NTS: variants seen among roughly 807,000 people sequenced by gnomAD.
NTS encodes neurotensin, also known as neurotensin/neuromedin N.
NTS carries 20 observed loss-of-function variants against 19.5 expected under a neutral mutation model. That is an observed-to-expected ratio of 1.02 (90% confidence interval 0.72 to 1.49). NTS has a LOEUF of 1.49. NTS is among the 40% of genes most tolerant of loss of function. The pLI is 0.00. For missense variants in NTS, 215 were observed against 193.1 expected (o/e 1.11, Z -0.67); for synonymous variants, 71 against 63.3 (o/e 1.12, Z -0.58).
At chr12:85,874,891 G>T (rs1254077385) in intron 1 of NTS, among the ~76,000 whole-genome samples, 3 of 152,206 alleles carry the variant, frequency 2.0e-5, no homozygotes, top group Admixed American at 2.0e-4. Flanking sequence ...GGAAGCGGTG[G>T]CCCTCACGCC....
At chr12:85,876,766 T>A (rs1565769781) in intron 2 of NTS, 65 bp downstream of exon 2, 1 of 831,410 alleles carries the variant, frequency 1.2e-6, no homozygotes, top group Non-Finnish European at 1.9e-6. Flanking sequence ...AAACATGGTA[T>A]CCTTTTCCCA....
chr12:85,882,391 A>G lies in NTS; in HGVS notation c.*16A>G. The G allele has an allele frequency of 6.6e-7, 1 of 1,505,600 alleles. No homozygotes were observed. Among genetic ancestry groups the G allele is most frequent in the South Asian group, 1.3e-5 (1 of 78,576 alleles). 93.3% of individuals were successfully genotyped at this position (1,505,600 alleles called of 1,614,324 possible). A position where few individuals can be genotyped will look rare whatever the true frequency, so the allele number is the denominator to read the frequency against. On this transcript the variant is annotated 3_prime_UTR_variant, in exon 4 of 4. Coordinates refer to ENST00000256010, the MANE Select transcript of NTS (RefSeq NM_006183.5). The stretch of plus-strand genomic sequence containing the variant: ...CTATTACTGAGAGAATAAATCATTT[A>G]TTTACATGTGATTGTGATTCATCAT...
chr12:85,880,681 G>A (rs941016283), intron 3 of NTS, among the ~76,000 whole-genome samples: 3 of 152,100 alleles, frequency 2.0e-5, no homozygotes, highest in African/African-American at 7.2e-5. Context: ...GGCCAGGCAC[G>A]GTGGCTCACG....
At chr12:85,879,011 A>G (rs1881410993) in intron 3 of NTS, among the ~76,000 whole-genome samples, 1 of 151,016 alleles carries the variant, frequency 6.6e-6, no homozygotes. Flanking sequence ...TTGTATTTAA[A>G]TATATTAGGC....
intron 3 of NTS, among the ~76,000 whole-genome samples, chr12:85,879,778 A>AT (rs1238129954): frequency 8.6e-4 from 117 of 136,610 alleles, no homozygotes; most frequent in African/African-American, 2.9e-3. Flanking sequence ...TATAAAATAT[A>AT]TTTTTTGTAT....
In NTS at chr12:85,876,669, G is replaced by A; in HGVS notation, c.103G>A (p.Ala35Thr). Residue 35 changes from alanine (A) to threonine (T), a missense_variant, in exon 2 of 4, where the codon GCA (alanine) becomes ACA (threonine). Coordinates refer to ENST00000256010, the MANE Select transcript of NTS (RefSeq NM_006183.5). ...AGAAGAGGAAATGAAAGCATTAGAA[G>A]CAGATTTCTTGACCAATATGCATAC... ...DSEEEMKALEADFLTNMHTSK... is the reference protein window; with the variant it reads ...DSEEEMKALETDFLTNMHTSK... The A allele has an allele frequency of 6.3e-7, 1 of 1,594,720 alleles. No individual in the cohort carries two copies. Among genetic ancestry groups the A allele is most frequent in the Non-Finnish European group, 8.6e-7 (1 of 1,168,804 alleles).
At chr12:85,877,913 T>C (rs1012523147) in intron 2 of NTS, 1 of 152,636 alleles carries the variant, frequency 6.6e-6, no homozygotes, top group African/African-American at 2.4e-5. Flanking sequence ...ATGTGTGGAA[T>C]GCATTACTAG....
intron 1 of NTS, among the ~76,000 whole-genome samples, chr12:85,876,317 C>A (rs1042195210): frequency 2.0e-5 from 3 of 151,890 alleles, no homozygotes; most frequent in East Asian, 1.9e-4. Context: ...ATAAGCTACT[C>A]TAGCATATTT....
intron 3 of NTS, among the ~76,000 whole-genome samples, chr12:85,878,792 A>G (rs181742519): frequency 6.6e-6 from 1 of 152,188 alleles, no homozygotes; most frequent in East Asian, 1.9e-4. Context: ...AAAAGAGGAT[A>G]TATCTTAAGG....
chr12:85,876,623 A>T lies in NTS; in HGVS notation c.74-17A>T. On this transcript the variant is annotated splice_polypyrimidine_tract_variant and intron_variant, in intron 1 of 3. Coordinates refer to ENST00000256010, the MANE Select transcript of NTS (RefSeq NM_006183.5). The stretch of plus-strand genomic sequence containing the variant: ...ATGATATGTAATTATAGTAAACCTG[A>T]TTTTGATTTTACTCAGATTCAGAAG... The T allele has an allele frequency of 6.6e-7, 1 of 1,526,290 alleles. No homozygotes were observed. Among genetic ancestry groups the T allele is most frequent in the Admixed American group, 1.8e-5 (1 of 55,808 alleles). The allele number at this position is 1,526,290 out of a possible 1,614,324, so 94.5% of individuals were successfully genotyped here.
intron 1 of NTS, among the ~76,000 whole-genome samples, chr12:85,875,388 T>G (rs1881318137): frequency 6.6e-6 from 1 of 152,096 alleles, no homozygotes; most frequent in Admixed American, 6.5e-5. Context: ...TTTAACCTGT[T>G]CTGTGCTTTT....
chr12:85,882,086 T>C, intron 3 of NTS, 137 bp from the exon 4 acceptor site: 1 of 649,942 alleles, frequency 1.5e-6, no homozygotes, highest in Non-Finnish European at 2.6e-6. Flanking sequence ...AACAATTTCT[T>C]TGAACTTCAT....
chr12:85,876,851 GT>G (rs35124959), intron 2 of NTS, 150 bp downstream of exon 2: 98,612 of 420,860 alleles, frequency 0.23, 12,480 homozygotes, highest in African/African-American at 0.31. Context: ...ATTTCTTTTA[GT>G]TAAAAGAAGT....
At chr12:85,875,526 T>C (rs1881321848) in intron 1 of NTS, among the ~76,000 whole-genome samples, 1 of 152,054 alleles carries the variant, frequency 6.6e-6, no homozygotes, top group Non-Finnish European at 1.5e-5. Flanking sequence ...ATTTTAATCA[T>C]CAGAACATAA....
intron 2 of NTS, among the ~76,000 whole-genome samples, chr12:85,877,551 TTAGA>T (rs1382530972): frequency 6.6e-6 from 1 of 151,990 alleles, no homozygotes. Context: ...TGCAGGTTTG[TTAGA>T]TAGGCAAACA....
At chr12:85,876,726 TGAGTTGAA>T in intron 2 of NTS, 25 bp downstream of exon 2, 1 of 1,302,344 alleles carries the variant, frequency 7.7e-7, no homozygotes, top group South Asian at 1.4e-5. Context: ...TCTTTAACCC[TGAGTTGAA>T]GAACATATGA....
Position 85,882,333 on chromosome 12 carries a change from CAG to C in NTS, c.473_474del (p.Arg158LysfsTer16). On this transcript the variant is annotated frameshift_variant, in exon 4 of 4. Coordinates refer to ENST00000256010, the MANE Select transcript of NTS (RefSeq NM_006183.5). LOFTEE classifies it high-confidence loss of function. ...LKRQLYENKP[R>X]RPYILKRDSY... The stretch of plus-strand genomic sequence containing the variant: ...AACGGCAGCTGTATGAGAATAAACC[CAG>C]AAGACCCTACATACTCAAAAGAGAT... The C allele has an allele frequency of 6.2e-7, 1 of 1,603,920 alleles. No homozygotes were observed. Among genetic ancestry groups the C allele is most frequent in the Non-Finnish European group, 8.5e-7 (1 of 1,176,256 alleles).
intron 3 of NTS, among the ~76,000 whole-genome samples, chr12:85,879,916 T>A (rs919541745): frequency 6.8e-6 from 1 of 147,604 alleles, no homozygotes; most frequent in African/African-American, 2.5e-5. Context: ...TATATAAAAA[T>A]ATAGAATAAG....
rs770089683 is a variant in NTS, at chr12:85,882,296, C to T, written c.434C>T (p.Pro145Leu). The change falls in exon 4 of 4, where the codon CCT (proline) becomes CTT (leucine). Residue 145 changes from proline to leucine, a missense_variant. Physicochemically the swap from Pro to Leu is moderately conservative, Grantham distance 98 (BLOSUM62 -3). Coordinates refer to ENST00000256010, the MANE Select transcript of NTS (RefSeq NM_006183.5). ...GKEEVIKRKI[P>L]YILKRQLYEN... ...GAAGAAGTCATAAAGAGAAAAATTC[C>T]TTATATTCTGAAACGGCAGCTGTAT... The T allele has an allele frequency of 1.4e-5, 22 of 1,608,476 alleles. 1 individual carries two copies. In the Admixed American group the frequency reaches 3.6e-4, roughly 26 times the overall value.
Sources: gnomAD v4.1 joint callset for allele counts (sites outside exome capture counted in the v4.1 genomes callset) on GRCh38, gnomAD v4.1.1 for gene constraint, MANE v1.5 for transcripts, NCBI Gene and HGNC (gene_info 2026-07-23, HGNC 2026-07-21) for gene names.